Variants in EDA2R observed in about 807,000 individuals in gnomAD.
The protein encoded by EDA2R is tumor necrosis factor receptor superfamily member 27.
Under a neutral mutation model 20.1 loss-of-function variants are expected in EDA2R, and 26 were observed. That is an observed-to-expected ratio of 1.30 (90% CI 0.95 to 1.80). The LOEUF (loss-of-function observed/expected upper bound fraction) is 1.80, where lower values mean the gene tolerates loss of function less well. Among genes scored for constraint, EDA2R ranks in the 40% most tolerant of loss-of-function variants. The pLI, the probability that EDA2R is intolerant of heterozygous loss-of-function variation, is 0.00. For synonymous variants in EDA2R, 114 were observed against 88.7 expected (o/e 1.29, Z -1.60); for missense variants, 277 against 228.7 (o/e 1.21, Z -1.36).
intron 2 of EDA2R, among the ~76,000 whole-genome samples, chrX:66,611,744 A>AT (rs749554220): frequency 9.0e-6 from 1 of 111,519 alleles, no homozygotes; most frequent in Admixed American, 9.5e-5. Context: ...TGAAAAGAAA[A>AT]TTTTTTAAAT....
chrX:66,619,063 T>C (rs1179512302), intron 1 of EDA2R, among the ~76,000 whole-genome samples: 1 of 111,440 alleles, frequency 9.0e-6, no homozygotes, highest in Non-Finnish European at 1.9e-5. Flanking sequence ...AAGAGTGAGG[T>C]TTATAGTAAA....
intron 2 of EDA2R, among the ~76,000 whole-genome samples, chrX:66,614,863 T>C (rs371582650): frequency 1.8e-5 from 2 of 111,768 alleles, no homozygotes; most frequent in Non-Finnish European, 3.8e-5. Flanking sequence ...GTCTGGTCTA[T>C]ACTTCTCTCT....
At chrX:66,630,957 A>G (rs768517094) in intron 1 of EDA2R, among the ~76,000 whole-genome samples, 2 of 110,177 alleles carry the variant, frequency 1.8e-5, no homozygotes, top group South Asian at 7.6e-4. Flanking sequence ...GTATGTGTGT[A>G]TACATACATA....
intron 1 of EDA2R, among the ~76,000 whole-genome samples, chrX:66,624,143 T>C (rs1270495630): frequency 8.9e-6 from 1 of 112,245 alleles, no homozygotes; most frequent in Admixed American, 9.4e-5. Flanking sequence ...AAAGGTTTCA[T>C]AGTTTATAAA....
At chrX:66,637,536 A>G (rs1315722434) in intron 1 of EDA2R, among the ~76,000 whole-genome samples, 1 of 112,182 alleles carries the variant, frequency 8.9e-6, no homozygotes, top group Non-Finnish European at 1.9e-5. Context: ...TGCCTTGGCA[A>G]GTTTAACTTC....
At chrX:66,621,934 T>A (rs1234376389) in intron 1 of EDA2R, among the ~76,000 whole-genome samples, 1 of 112,344 alleles carries the variant, frequency 8.9e-6, no homozygotes, top group African/African-American at 3.2e-5. Flanking sequence ...GTTCTTTAGC[T>A]TTATTTAATA....
At chrX:66,629,992 C>T (rs1353659978) in intron 1 of EDA2R, among the ~76,000 whole-genome samples, 2 of 111,425 alleles carry the variant, frequency 1.8e-5, no homozygotes, top group East Asian at 5.6e-4. Context: ...TATAAATAGG[C>T]ACATAGACCA....
At chrX:66,615,191 TATCCATGGTGTCTAC>T (rs1931458067) in intron 2 of EDA2R, among the ~76,000 whole-genome samples, 1 of 112,255 alleles carries the variant, frequency 8.9e-6, no homozygotes, top group Non-Finnish European at 1.9e-5. Flanking sequence ...TGTTCTGCCA[TATCCATGGTGTCTAC>T]AACCATGCCT....
At chrX:66,619,682 A>T (rs145242192) in intron 1 of EDA2R, among the ~76,000 whole-genome samples, 1 of 111,149 alleles carries the variant, frequency 9.0e-6, no homozygotes, top group East Asian at 2.9e-4. Context: ...AAAGCGCATC[A>T]CCCACTCAGT....
chrX:66,599,439 T>G (rs777347884), intron 6 of EDA2R, 35 bp downstream of exon 6: 50 of 1,037,300 alleles, frequency 4.8e-5, no homozygotes, highest in Non-Finnish European at 6.0e-5. Context: ...TGTTTTGCTT[T>G]TTTTGTTTTT....
At chrX:66,600,436 A>G (rs1467206138) in intron 5 of EDA2R, among the ~76,000 whole-genome samples, 1 of 111,807 alleles carries the variant, frequency 8.9e-6, no homozygotes, top group Admixed American at 9.5e-5. Context: ...GCTAGGAATG[A>G]CCTTCAGCTT....
chrX:66,611,142 A>G (rs918335491), intron 2 of EDA2R, among the ~76,000 whole-genome samples: 17 of 111,731 alleles, frequency 1.5e-4, no homozygotes, highest in Non-Finnish European at 1.5e-4. Context: ...TCACACTACA[A>G]AGGTTCTGGA....
At chrX:66,604,587 C>T in intron 3 of EDA2R, 81 bp from the exon 4 acceptor site, 1 of 947,035 alleles carries the variant, frequency 1.1e-6, no homozygotes, top group Non-Finnish European at 1.5e-6. Flanking sequence ...AAAGCAGCTC[C>T]TAAGAATCTT....
chrX:66,616,160 A>G (rs1931649970), intron 1 of EDA2R, 130 bp from the exon 2 acceptor site: 3 of 463,474 alleles, frequency 6.5e-6, no homozygotes, highest in Middle Eastern at 1.2e-3. Flanking sequence ...CGAGGAAGCC[A>G]ACACAAAAGA....
intron 1 of EDA2R, among the ~76,000 whole-genome samples, chrX:66,616,432 T>C (rs1475214829): frequency 8.9e-6 from 1 of 112,437 alleles, no homozygotes; most frequent in Non-Finnish European, 1.9e-5. Flanking sequence ...CAATCCCTCA[T>C]GTGTGAACAG....
intron 2 of EDA2R, among the ~76,000 whole-genome samples, chrX:66,611,521 A>G: frequency 8.9e-6 from 1 of 111,850 alleles, no homozygotes; most frequent in Non-Finnish European, 1.9e-5. Flanking sequence ...GATGGTAATT[A>G]TTAAAAATAA....
intron 1 of EDA2R, among the ~76,000 whole-genome samples, chrX:66,622,551 C>T (rs774152065): frequency 6.3e-5 from 7 of 111,838 alleles, no homozygotes; most frequent in Non-Finnish European, 1.3e-4. Context: ...GGATTAAAAA[C>T]GATGAAGAAG....
chrX:66,607,650 A>G (rs1372602019), intron 2 of EDA2R, among the ~76,000 whole-genome samples: 1 of 111,434 alleles, frequency 9.0e-6, no homozygotes, highest in African/African-American at 3.3e-5. Context: ...TGATAATAAT[A>G]ACAACAACAG....
At position 66,599,824 on chromosome X, in the gene EDA2R, T is replaced by A. The variant is rs1402100639; in HGVS notation, c.554A>T (p.Lys185Met). The change falls in exon 6 of 7, where the codon AAG becomes ATG. Residue 185 changes from lysine (K) to methionine (M), a missense_variant. Transcript: ENST00000374719. ...LLQFEADKTA[K>M]EESLFPVPPS... ...TGGCACGGGGAAGAGAGATTCCTCC[T>A]TTGCTGTTTTATCAGCCTCAAACTG... 1 of 1,205,748 alleles carries A rather than the reference T, an allele frequency of 8.3e-7. No individual in the cohort carries two copies. The highest frequency in any genetic ancestry group is 1.8e-5 in the African/African-American group (1 of 57,025).
Sources: allele counts gnomAD v4.1 joint callset (sites outside exome capture counted in the v4.1 genomes callset), GRCh38; gene constraint gnomAD v4.1.1; transcripts MANE v1.5; gene names NCBI Gene and HGNC (gene_info 2026-07-23, HGNC 2026-07-21).